The following GRM7 variants were observed in gnomAD, a reference collection of about 807,000 sequenced individuals.
GRM7 encodes the protein glutamate metabotropic receptor 7.
A neutral mutation model predicts 84.5 loss-of-function variants in GRM7; 35 were observed. That is an observed-to-expected ratio of 0.41 (90% confidence interval 0.32 to 0.55). The LOEUF is 0.55. Among genes scored for constraint, GRM7 ranks in the 20% least tolerant of loss-of-function variants. GRM7 has a pLI of 0.19. For synonymous variants in GRM7, 487 were observed against 455.1 expected (o/e 1.07, Z -0.89); for missense variants, 1,003 against 1,194.6 (o/e 0.84, Z 2.36).
At chr3:7,472,945 C>T (rs1575389350) in intron 7 of GRM7, among the ~76,000 whole-genome samples, 1 of 152,072 alleles carries the variant, frequency 6.6e-6, no homozygotes, top group Non-Finnish European at 1.5e-5. Context: ...CAGACCGTTT[C>T]CTCAAAAAGT....
chr3:7,307,190 C>G (rs928742290), intron 4 of GRM7, among the ~76,000 whole-genome samples: 1 of 152,170 alleles, frequency 6.6e-6, no homozygotes, highest in African/African-American at 2.4e-5. Context: ...CCTTTCTAAA[C>G]TTATGCCTCT....
chr3:7,461,462 A>G (rs1559339047), intron 6 of GRM7, 121 bp from the exon 7 acceptor site: 1 of 743,208 alleles, frequency 1.3e-6, no homozygotes, highest in Non-Finnish European at 2.2e-6. Flanking sequence ...GGGACCTATT[A>G]AAGGGGATAT....
At chr3:7,487,084 T>C (rs933560699) in intron 7 of GRM7, among the ~76,000 whole-genome samples, 2 of 152,142 alleles carry the variant, frequency 1.3e-5, no homozygotes, top group Non-Finnish European at 2.9e-5. Context: ...TGTGAAGAAC[T>C]TGGCACCATT....
chr3:6,952,743 G>A (rs958981545), intron 1 of GRM7, among the ~76,000 whole-genome samples: 2 of 152,086 alleles, frequency 1.3e-5, no homozygotes, highest in East Asian at 1.9e-4. Context: ...GAGCGTTTCA[G>A]GTAAGAAGGT....
chr3:7,380,018 G>A (rs1416400545), intron 4 of GRM7, among the ~76,000 whole-genome samples: 4 of 152,064 alleles, frequency 2.6e-5, no homozygotes, highest in African/African-American at 9.7e-5. Context: ...ATGTGTTTTT[G>A]TTGGTTCTAC....
chr3:7,406,904 A>T (rs540202467), intron 4 of GRM7, among the ~76,000 whole-genome samples: 8 of 152,338 alleles, frequency 5.3e-5, no homozygotes, highest in African/African-American at 1.9e-4. Context: ...TCAAGATTGC[A>T]CAATTTAGTG....
intron 2 of GRM7, among the ~76,000 whole-genome samples, chr3:7,155,072 A>G (rs562003756): frequency 6.6e-6 from 1 of 152,274 alleles, no homozygotes; most frequent in South Asian, 2.1e-4. Flanking sequence ...ATTTCAGAGT[A>G]GTAAAACTTA....
At chr3:7,338,239 T>C (rs1440232716) in intron 4 of GRM7, among the ~76,000 whole-genome samples, 1 of 151,472 alleles carries the variant, frequency 6.6e-6, no homozygotes, top group African/African-American at 2.4e-5. Flanking sequence ...ATGAAGTAAC[T>C]CAGAAATGGA....
chr3:6,954,541 A>C (rs1022582027), intron 1 of GRM7, among the ~76,000 whole-genome samples: 6 of 152,128 alleles, frequency 3.9e-5, no homozygotes, highest in African/African-American at 1.4e-4. Flanking sequence ...ACCCAGAAAG[A>C]GGCAGCAAAG....
chr3:7,208,307 CT>C (rs61258108), intron 2 of GRM7, among the ~76,000 whole-genome samples: 41,506 of 151,952 alleles, frequency 0.27, 5,732 homozygotes, highest in Middle Eastern at 0.36. Context: ...TTAGCAATGA[CT>C]GGCCATAAGG....
At chr3:7,438,406 G>C (rs1227167390) in intron 5 of GRM7, among the ~76,000 whole-genome samples, 1 of 151,968 alleles carries the variant, frequency 6.6e-6, no homozygotes, top group African/African-American at 2.4e-5. Context: ...GGCGTACACA[G>C]CTGAATGTAT....
At chr3:7,320,544 T>C (rs1479289285) in intron 4 of GRM7, among the ~76,000 whole-genome samples, 1 of 151,778 alleles carries the variant, frequency 6.6e-6, no homozygotes, top group African/African-American at 2.4e-5. Context: ...CCTTCTTGAG[T>C]GAGAGTTGTA....
intron 5 of GRM7, among the ~76,000 whole-genome samples, chr3:7,441,763 C>A (rs1320952452): frequency 6.6e-6 from 1 of 152,016 alleles, no homozygotes; most frequent in Non-Finnish European, 1.5e-5. Context: ...ATTTTTGTCA[C>A]CTTTGTCAAA....
chr3:7,430,166 T>C (rs1332277893), intron 5 of GRM7, among the ~76,000 whole-genome samples: 1 of 152,178 alleles, frequency 6.6e-6, no homozygotes, highest in Non-Finnish European at 1.5e-5. Flanking sequence ...TACTTGGAAG[T>C]AGTTGTGATC....
intron 8 of GRM7, among the ~76,000 whole-genome samples, chr3:7,671,732 A>T (rs1235941571): frequency 6.6e-6 from 1 of 151,832 alleles, no homozygotes; most frequent in Non-Finnish European, 1.5e-5. Flanking sequence ...ATAGCATAAA[A>T]ATTATCTGCA....
intron 1 of GRM7, among the ~76,000 whole-genome samples, chr3:7,019,659 A>G (rs573173406): frequency 3.3e-5 from 5 of 152,302 alleles, no homozygotes; most frequent in African/African-American, 1.2e-4. Flanking sequence ...TCTACTTTTT[A>G]TTAGCCAAAG....
intron 1 of GRM7, among the ~76,000 whole-genome samples, chr3:7,071,020 C>G (rs908656359): frequency 6.6e-6 from 1 of 152,054 alleles, no homozygotes; most frequent in African/African-American, 2.4e-5. Flanking sequence ...TGGAGAGACA[C>G]AGTGTTTATT....
At chr3:7,650,144 TTAA>T (rs1181840492) in intron 8 of GRM7, among the ~76,000 whole-genome samples, 1 of 152,250 alleles carries the variant, frequency 6.6e-6, no homozygotes, top group African/African-American at 2.4e-5. Context: ...AAAAAATGAC[TTAA>T]TGATGTTTCG....
At chr3:7,186,875 C>T (rs965159449) in intron 2 of GRM7, among the ~76,000 whole-genome samples, 1 of 152,076 alleles carries the variant, frequency 6.6e-6, no homozygotes, top group East Asian at 1.9e-4. Context: ...TTATTTTTGT[C>T]TATTAACTCC....
Sources: gnomAD v4.1 joint callset for allele counts (sites outside exome capture counted in the v4.1 genomes callset) on GRCh38, gnomAD v4.1.1 for gene constraint, MANE v1.5 for transcripts, NCBI Gene and HGNC (gene_info 2026-07-23, HGNC 2026-07-21) for gene names.